MALRD1: variants seen among roughly 807,000 people sequenced by gnomAD.
MALRD1 encodes the protein MAM and LDL-receptor class A domain-containing protein 1.
A neutral mutation model predicts 242.1 loss-of-function variants in MALRD1; 247 were observed. The observed-to-expected ratio is 1.02, with a 90% CI of 0.92 to 1.13. The LOEUF (loss-of-function observed/expected upper bound fraction) is 1.13, where lower values mean the gene tolerates loss of function less well. Among genes scored for constraint, MALRD1 ranks in the 50% most tolerant of loss-of-function variants. The pLI, the probability that MALRD1 is intolerant of heterozygous loss-of-function variation, is 0.00. For missense variants in MALRD1, 2,989 were observed against 2,533.1 expected, an observed-to-expected ratio of 1.18 and a Z score of -3.86; for synonymous variants, 995 against 866.6, an observed-to-expected ratio of 1.15 and a Z score of -2.60.
intron 28 of MALRD1, among the ~76,000 whole-genome samples, chr10:19,399,811 A>G (rs2130849344): frequency 6.6e-6 from 1 of 152,326 alleles, no homozygotes; most frequent in Non-Finnish European, 1.5e-5. Flanking sequence ...ATTTCTTTAC[A>G]TCTTCTAAAG....
chr10:19,245,736 C>A (rs1444818246), intron 18 of MALRD1, among the ~76,000 whole-genome samples: 1 of 152,194 alleles, frequency 6.6e-6, no homozygotes, highest in East Asian at 1.9e-4. Flanking sequence ...AGAGGAGAAT[C>A]CTAGGAATCT....
chr10:19,320,181 T>C (rs1842864343), intron 21 of MALRD1, among the ~76,000 whole-genome samples: 1 of 151,006 alleles, frequency 6.6e-6, no homozygotes, highest in South Asian at 2.1e-4. Context: ...TTTTAAGCCC[T>C]GCATGCATTA....
chr10:19,592,789 A>C (rs926213661), intron 33 of MALRD1, among the ~76,000 whole-genome samples: 1 of 150,326 alleles, frequency 6.7e-6, no homozygotes, highest in Non-Finnish European at 1.5e-5. Flanking sequence ...ACACACACAC[A>C]CCATTCTGAA....
intron 38 of MALRD1, among the ~76,000 whole-genome samples, chr10:19,713,376 G>T (rs935606527): frequency 2.0e-5 from 3 of 152,148 alleles, no homozygotes; most frequent in Non-Finnish European, 2.9e-5. Context: ...GTAGCTCTGT[G>T]GTAGGGGATA....
In MALRD1 at chr10:19,327,610, T is replaced by C; in HGVS notation, c.3624T>C (p.Thr1208=). ...DNVTSKLWAQ[T]GQQGAQWKRA... ...TTACTTCTAAATTGTGGGCTCAAAC[T>C]GGACAGCAAGGTGCACAGTGGAAGA... Residue 1208 remains threonine, a synonymous_variant, in exon 23 of 40, where the codon ACT becomes ACC. Coordinates refer to ENST00000454679, the MANE Select transcript of MALRD1 (RefSeq NM_001142308.3). 1 of 1,550,006 alleles carries C rather than the reference T, an allele frequency of 6.5e-7. No individual in the cohort carries two copies. Among genetic ancestry groups the C allele is most frequent in the Non-Finnish European group, 8.7e-7 (1 of 1,146,442 alleles).
chr10:19,473,082 T>C (rs901699425), intron 29 of MALRD1, among the ~76,000 whole-genome samples: 15 of 142,830 alleles, frequency 1.1e-4, no homozygotes, highest in Non-Finnish European at 2.0e-4. Context: ...AGCTTGTTCA[T>C]ATATAAGAAA....
intron 38 of MALRD1, among the ~76,000 whole-genome samples, chr10:19,698,854 A>G (rs1038307344): frequency 2.0e-5 from 3 of 152,216 alleles, no homozygotes; most frequent in African/African-American, 7.2e-5. Context: ...ATGGAATACT[A>G]TGTAGCCATA....
intron 18 of MALRD1, among the ~76,000 whole-genome samples, chr10:19,238,394 G>A (rs557796568): frequency 0.037 from 2,252 of 61,352 alleles, 147 homozygotes; most frequent in African/African-American, 0.064. Context: ...TATTATATAT[G>A]TTATATATTA....
chr10:19,373,212 A>T (rs1845462247), intron 26 of MALRD1, among the ~76,000 whole-genome samples: 1 of 143,508 alleles, frequency 7.0e-6, no homozygotes, highest in East Asian at 2.0e-4. Flanking sequence ...ACAAAAAAAA[A>T]AAAAAAAATA....
chr10:19,148,657 G>A (rs547360243), intron 11 of MALRD1, among the ~76,000 whole-genome samples: 1 of 151,244 alleles, frequency 6.6e-6, no homozygotes, highest in African/African-American at 2.4e-5. Flanking sequence ...ATTCTTTTCC[G>A]GTGAGATGAA....
At position 19,203,873 on chromosome 10, in the gene MALRD1, A is replaced by G; in HGVS notation, c.2097A>G (p.Ala699=). 1.3e-6 allele frequency: 2 copies of G among 1,550,488 alleles called. No individual in the cohort carries two copies. Among genetic ancestry groups the G allele is most frequent in the South Asian group, 2.4e-5 (2 of 84,066 alleles). The change falls in exon 15 of 40, where the codon GCA becomes GCG. Residue 699 remains alanine (A), a synonymous_variant. Transcript: ENST00000454679. Reference sequence around the variant, plus strand: ...CACCTCGGGATCATAGTCTCAACGCATCTCAAGGTAAGAAGCAAACAGGGA... The same window carrying G: ...CACCTCGGGATCATAGTCTCAACGCGTCTCAAGGTAAGAAGCAAACAGGGA... ...QAPPRDHSLN[A]SQGHFMFILK...
intron 26 of MALRD1, among the ~76,000 whole-genome samples, chr10:19,359,018 A>G (rs1207453461): frequency 2.0e-5 from 3 of 152,198 alleles, no homozygotes; most frequent in African/African-American, 4.8e-5. Context: ...AACAGTCACA[A>G]TAAAGATCCA....
chr10:19,428,548 T>G (rs1833992192), intron 28 of MALRD1, among the ~76,000 whole-genome samples: 1 of 152,164 alleles, frequency 6.6e-6, no homozygotes, highest in African/African-American at 2.4e-5. Context: ...CAGGAACTAC[T>G]GAGTGCTTCC....
chr10:19,169,904 AGT>A (rs1273238132), intron 13 of MALRD1, among the ~76,000 whole-genome samples: 5 of 152,220 alleles, frequency 3.3e-5, no homozygotes, highest in African/African-American at 1.2e-4. Context: ...TATACAGTAC[AGT>A]GTAATCCAGT....
intron 14 of MALRD1, among the ~76,000 whole-genome samples, chr10:19,198,571 A>G (rs897868694): frequency 2.0e-5 from 3 of 152,144 alleles, no homozygotes. Flanking sequence ...AATATCCTTG[A>G]AAGGATAGCC....
intron 33 of MALRD1, among the ~76,000 whole-genome samples, chr10:19,579,003 T>G (rs553601313): frequency 6.6e-6 from 1 of 152,238 alleles, no homozygotes; most frequent in South Asian, 2.1e-4. Context: ...AGGCAGAAAT[T>G]CATGTAAACC....
chr10:19,072,735 C>T (rs920637711), intron 2 of MALRD1, among the ~76,000 whole-genome samples: 4 of 152,080 alleles, frequency 2.6e-5, no homozygotes, highest in Non-Finnish European at 4.4e-5. Flanking sequence ...GTATCAGAAT[C>T]AGCTTTATTA....
chr10:19,547,078 A>T (rs1021258561), intron 32 of MALRD1, among the ~76,000 whole-genome samples: 4 of 152,158 alleles, frequency 2.6e-5, no homozygotes, highest in African/African-American at 9.7e-5. Flanking sequence ...GTTCATTGAG[A>T]GAAAAGCCTC....
chr10:19,499,631 A>C (rs1298969325), intron 31 of MALRD1, among the ~76,000 whole-genome samples: 1 of 152,116 alleles, frequency 6.6e-6, no homozygotes, highest in East Asian at 1.9e-4. Context: ...CTGTATATAC[A>C]CACATCCTGT....
Sources: allele counts gnomAD v4.1 joint callset (sites outside exome capture counted in the v4.1 genomes callset), GRCh38; gene constraint gnomAD v4.1.1; transcripts MANE v1.5; gene names NCBI Gene and HGNC (gene_info 2026-07-23, HGNC 2026-07-21).